DLD: variants seen among roughly 807,000 people sequenced by gnomAD.
DLD encodes dihydrolipoamide dehydrogenase.
In DLD, 36 loss-of-function variants were observed where a neutral mutation model predicts 62.2. The observed-to-expected ratio is 0.58, with a 90% CI of 0.44 to 0.76. The LOEUF (loss-of-function observed/expected upper bound fraction) is 0.76. DLD is among the 30% of genes least tolerant of loss of function. The probability of loss-of-function intolerance (pLI) is 0.00; values close to 1 mark genes in which losing one functional copy is unlikely to be tolerated. For synonymous variants in DLD, 204 were observed against 199.6 expected (o/e 1.02, Z -0.19); for missense variants, 541 against 608.6 (o/e 0.89, Z 1.17).
rs2032399361 is a variant in DLD, at chr7:107,921,069, AAT to A, written c.*1814_*1815del. ...AAAGTTTTTAGTTAGGGAATAGTGA[AAT>A]ATAATTTAATATGGAATTCTAGCTG... On this transcript the variant is annotated 3_prime_UTR_variant, in exon 14 of 14. Transcript: ENST00000205402. 6.6e-6 allele frequency: 1 copy of A among 152,352 alleles called. No homozygotes were observed. Among genetic ancestry groups the A allele is most frequent in the Non-Finnish European group, 1.5e-5 (1 of 68,038 alleles). The allele number at this position is 152,352 out of a possible 1,614,324, so 9.4% of individuals were successfully genotyped here.
chr7:107,912,528 G>A (rs1045470216), intron 8 of DLD, among the ~76,000 whole-genome samples: 16 of 152,142 alleles, frequency 1.1e-4, no homozygotes, highest in Admixed American at 1.0e-3. Flanking sequence ...ATTTTAACTG[G>A]GGTGAGATGA....
At chr7:107,913,292 T>C (rs1280242954) in intron 8 of DLD, among the ~76,000 whole-genome samples, 1 of 152,014 alleles carries the variant, frequency 6.6e-6, no homozygotes. Flanking sequence ...ATTGGTAGTT[T>C]AGTAGGGATT....
In DLD at chr7:107,916,836, T is replaced by C. The variant is rs1433041129; in HGVS notation, c.918T>C (p.Cys306=). 1.2e-6 allele frequency: 2 copies of C among 1,613,246 alleles called. No homozygotes were observed. Among genetic ancestry groups the C allele is most frequent in the African/African-American group, 1.3e-5 (1 of 74,592 alleles). Residue 306 remains cysteine, a synonymous_variant, in exon 10 of 14, where the codon TGT becomes TGC. Coordinates refer to ENST00000205402, the MANE Select transcript of DLD (RefSeq NM_000108.5). Reference sequence around the variant, plus strand: ...GTGGTAAAGCTGAAGTTATCACTTGTGATGTACTCTTGGTTTGCATTGGCC... The same window carrying C: ...GTGGTAAAGCTGAAGTTATCACTTGCGATGTACTCTTGGTTTGCATTGGCC... The part of the protein sequence containing the change: ...ASGGKAEVIT[C]DVLLVCIGRR...
At chr7:107,906,962 A>G (rs1283953943) in intron 8 of DLD, among the ~76,000 whole-genome samples, 1 of 152,200 alleles carries the variant, frequency 6.6e-6, no homozygotes, top group East Asian at 1.9e-4. Flanking sequence ...AAATTCAGAT[A>G]TTTTATTATG....
chr7:107,895,185 C>T (rs2031688645), intron 2 of DLD, among the ~76,000 whole-genome samples: 1 of 152,176 alleles, frequency 6.6e-6, no homozygotes, highest in Admixed American at 6.5e-5. Flanking sequence ...TGCTGCTGTT[C>T]TCCCCATTTT....
chr7:107,904,211 T>G (rs556799884), intron 5 of DLD, among the ~76,000 whole-genome samples: 1 of 152,276 alleles, frequency 6.6e-6, no homozygotes, highest in East Asian at 1.9e-4. Context: ...ATGATGTATA[T>G]GCACTAAAGC....
chr7:107,911,735 G>A (rs1405725291), intron 8 of DLD, among the ~76,000 whole-genome samples: 2 of 151,474 alleles, frequency 1.3e-5, no homozygotes, highest in South Asian at 2.1e-4. Context: ...TGTAATAGAT[G>A]TACTTTTTTC....
chr7:107,916,702 A>G (rs1240539466), intron 9 of DLD, 92 bp from the exon 10 acceptor site: 7 of 1,308,142 alleles, frequency 5.4e-6, no homozygotes, highest in Middle Eastern at 1.8e-4. Context: ...TGAAAATGTC[A>G]TCAACACTTG....
chr7:107,911,847 T>C (rs1464061322), intron 8 of DLD, among the ~76,000 whole-genome samples: 3 of 152,118 alleles, frequency 2.0e-5, no homozygotes, highest in Non-Finnish European at 2.9e-5. Context: ...TATTGAATTA[T>C]TCTCTTCTAG....
chr7:107,904,640 A>G (rs1434693969), intron 5 of DLD: 4 of 473,678 alleles, frequency 8.4e-6, no homozygotes, highest in African/African-American at 5.9e-5. Context: ...TTACTTTGTC[A>G]TTTCTACTTA....
At position 107,905,576 on chromosome 7, in the gene DLD, A is replaced by G. The variant is rs1215030057; in HGVS notation, c.582+72A>G. 8 of 1,502,064 alleles carry G rather than the reference A, an allele frequency of 5.3e-6. No individual in the cohort carries two copies. In the African/African-American group the frequency reaches 6.9e-5, roughly 13 times the overall value. The allele number at this position is 1,502,064 out of a possible 1,614,324, so 93.0% of individuals were successfully genotyped here. A position where few individuals can be genotyped will look rare whatever the true frequency, so the allele number is the denominator to read the frequency against. On this transcript the variant is annotated intron_variant, in intron 7 of 13. Coordinates refer to ENST00000205402, the MANE Select transcript of DLD (RefSeq NM_000108.5). ...ATACGTTTTATAAGTTATTTATGCTATTTGTGAACTTTGAGAGATTTCTGA... is the reference window on the plus strand; with the variant it reads ...ATACGTTTTATAAGTTATTTATGCTGTTTGTGAACTTTGAGAGATTTCTGA...
chr7:107,909,064 T>G (rs2032076881), intron 8 of DLD, among the ~76,000 whole-genome samples: 1 of 152,032 alleles, frequency 6.6e-6, no homozygotes, highest in Non-Finnish European at 1.5e-5. Flanking sequence ...CATAGTATAC[T>G]TCTTGTAATG....
At chr7:107,895,150 C>T (rs1206837760) in intron 2 of DLD, among the ~76,000 whole-genome samples, 1 of 152,150 alleles carries the variant, frequency 6.6e-6, no homozygotes, top group Non-Finnish European at 1.5e-5. Flanking sequence ...CAGATTTAAT[C>T]CTCATGGCCT....
intron 8 of DLD, among the ~76,000 whole-genome samples, chr7:107,913,628 T>C (rs1428339930): frequency 6.6e-6 from 1 of 152,136 alleles, no homozygotes; most frequent in Non-Finnish European, 1.5e-5. Flanking sequence ...AATAGTTTTT[T>C]GGTGGAGTCT....
chr7:107,905,413 C>G lies in DLD; in HGVS notation c.491C>G (p.Ala164Gly), dbSNP rs763452636. 5 of 1,613,722 alleles carry G rather than the reference C, an allele frequency of 3.1e-6. No homozygotes were observed. Among genetic ancestry groups the G allele is most frequent in the Middle Eastern group, 3.3e-4 (2 of 6,060 alleles). Residue 164 changes from alanine (A) to glycine (G), a missense_variant, in exon 7 of 14, where the codon GCT becomes GGT. Ala to Gly is a moderately conservative substitution (Grantham distance 60). Transcript: ENST00000205402. The part of the protein sequence containing the change: ...GKITGKNQVT[A>G]TKADGGTQVI... The stretch of plus-strand genomic sequence containing the variant: ...ATAACTGGCAAAAATCAAGTCACTG[C>G]TACGAAAGCTGATGGCGGCACTCAG...
intron 10 of DLD, 80 bp from the exon 11 acceptor site, chr7:107,917,193 C>A (rs1381923410): frequency 6.5e-6 from 10 of 1,549,620 alleles, no homozygotes; most frequent in Non-Finnish European, 8.0e-6. Flanking sequence ...TTACTGGAAA[C>A]TTTTGTTACC....
intron 2 of DLD, 99 bp downstream of exon 2, chr7:107,893,377 G>A: frequency 1.2e-6 from 1 of 851,844 alleles, no homozygotes; most frequent in South Asian, 1.7e-5. Context: ...CTTATGTTAA[G>A]TGTCTTATAG....
intron 8 of DLD, among the ~76,000 whole-genome samples, chr7:107,908,938 C>T (rs972092001): frequency 1.3e-5 from 2 of 152,114 alleles, no homozygotes; most frequent in African/African-American, 4.8e-5. Flanking sequence ...ACTTAGGTCT[C>T]CTAGACAGCA....
chr7:107,898,870 C>T (rs377666738), intron 2 of DLD, among the ~76,000 whole-genome samples: 10 of 152,100 alleles, frequency 6.6e-5, no homozygotes, highest in Admixed American at 1.3e-4. Context: ...CCACCACACC[C>T]GGCCCTGATT....
Sources: gnomAD v4.1 joint callset for allele counts (sites outside exome capture counted in the v4.1 genomes callset) on GRCh38, gnomAD v4.1.1 for gene constraint, MANE v1.5 for transcripts, NCBI Gene and HGNC (gene_info 2026-07-23, HGNC 2026-07-21) for gene names.